TJP1: variants seen among roughly 807,000 people sequenced by gnomAD.
TJP1 encodes tight junction protein 1.
In TJP1, 43 loss-of-function variants were observed where a neutral mutation model predicts 194.2. The observed-to-expected ratio is 0.22, with a 90% CI of 0.17 to 0.29. The LOEUF is 0.29. Ranked by LOEUF, TJP1 falls within the 10% of genes least tolerant of loss-of-function variation. The pLI, the probability that TJP1 is intolerant of heterozygous loss-of-function variation, is 1.00. For missense variants in TJP1, 1,971 were observed against 2,185.7 expected (o/e 0.90, Z 1.96); for synonymous variants, 801 against 779.0 (o/e 1.03, Z -0.47).
rs1253170123 is a variant in TJP1, at chr15:29,747,795, CAT to C, written c.1011-5016_1011-5015del. ...AAACGATAGGTCGTCATTGGCTATA[CAT>C]GTAGGGCTCTTGCTCCATATATCAC... On this transcript the variant is annotated intron_variant, in intron 8 of 27. Transcript: ENST00000614355. 2.6e-5 allele frequency among the ~76,000 whole-genome samples: 4 copies of C among 152,196 alleles called. No homozygotes were observed. In the East Asian group the frequency reaches 7.7e-4, roughly 29 times the overall value.
intron 15 of TJP1, chr15:29,730,640 C>T: frequency 1.5e-6 from 1 of 664,722 alleles, no homozygotes; most frequent in East Asian, 3.1e-5. Context: ...GCGAGAACGA[C>T]CCCCGGACCG....
chr15:29,875,217 T>C (rs1015276162), intron 2 of TJP1, among the ~76,000 whole-genome samples: 4 of 152,224 alleles, frequency 2.6e-5, no homozygotes, highest in Non-Finnish European at 5.9e-5. Context: ...TCCTGTTAGG[T>C]GTGCAGCCCT....
intron 24 of TJP1, among the ~76,000 whole-genome samples, chr15:29,710,249 AAGAT>A (rs1394508630): frequency 1.3e-5 from 2 of 152,314 alleles, no homozygotes; most frequent in Admixed American, 6.5e-5. Flanking sequence ...ATCTTAATAA[AAGAT>A]AGCCTCAATC....
chr15:29,725,297 T>G (rs1429709695), intron 18 of TJP1, among the ~76,000 whole-genome samples: 1 of 152,096 alleles, frequency 6.6e-6, no homozygotes, highest in Non-Finnish European at 1.5e-5. Context: ...TTACTATAGG[T>G]GAGAACAATA....
chr15:29,854,912 T>C (rs2051788656), intron 2 of TJP1, among the ~76,000 whole-genome samples: 1 of 151,232 alleles, frequency 6.6e-6, no homozygotes, highest in South Asian at 2.1e-4. Flanking sequence ...AAAAAAAAGG[T>C]TAGAAACAAC....
At chr15:29,815,888 G>A (rs1025591549) in intron 1 of TJP1, among the ~76,000 whole-genome samples, 1 of 152,096 alleles carries the variant, frequency 6.6e-6, no homozygotes, top group Non-Finnish European at 1.5e-5. Context: ...GGATTGGAGG[G>A]GAAAAAGGGA....
At chr15:29,728,281 C>A (rs1021284738) in intron 15 of TJP1, 17 of 345,170 alleles carry the variant, frequency 4.9e-5, no homozygotes, top group Admixed American at 3.2e-4. Flanking sequence ...ACATTTTTTT[C>A]TTTTGCCTGG....
intron 10 of TJP1, 22 bp from the exon 11 acceptor site, chr15:29,737,436 T>C: frequency 1.2e-6 from 2 of 1,613,976 alleles, no homozygotes; most frequent in Non-Finnish European, 1.7e-6. Flanking sequence ...GATATTTCAT[T>C]TGAAACAGTT....
chr15:29,809,805 C>T (rs2151940620), intron 1 of TJP1, among the ~76,000 whole-genome samples: 1 of 151,836 alleles, frequency 6.6e-6, no homozygotes, highest in Non-Finnish European at 1.5e-5. Context: ...AAGGTCATGC[C>T]ATTGCACTCC....
Position 29,767,252 on chromosome 15 carries a change from C to T in TJP1, c.313-710G>A, listed in dbSNP as rs45620440. Among the ~76,000 whole-genome samples the T allele has an allele frequency of 1.4e-3, 215 of 152,328 alleles. 5 individuals carry two copies. The highest frequency in any genetic ancestry group is 0.013 in the Admixed American group (203 of 15,300). Reference sequence around the variant, plus strand: ...TGACGATCTACATGTATTACACCTGCTGACTGAATGGCCCTGTAATCTGTG... The same window carrying T: ...TGACGATCTACATGTATTACACCTGTTGACTGAATGGCCCTGTAATCTGTG... On this transcript the variant is annotated intron_variant, in intron 4 of 27. Coordinates refer to ENST00000614355, the MANE Select transcript of TJP1 (RefSeq NM_001330239.4).
intron 2 of TJP1, among the ~76,000 whole-genome samples, chr15:29,953,597 ATTTT>A (rs1458612823): frequency 6.6e-6 from 1 of 152,082 alleles, no homozygotes; most frequent in East Asian, 1.9e-4. Flanking sequence ...CTTCTTATTT[ATTTT>A]TTTTATTGCT....
At chr15:29,864,237 C>CAAAAAAAAAAAAAAAAAAAAAA (rs397975539) in intron 2 of TJP1, among the ~76,000 whole-genome samples, 8 of 18,944 alleles carry the variant, frequency 4.2e-4, no homozygotes, top group African/African-American at 7.5e-4. Flanking sequence ...ACTAAAAATA[C>CAAAAAAAAAAAAAAAAAAAAAA]AAAAAAAAAA....
Position 29,737,799 on chromosome 15 carries a change from T to A in TJP1, c.1257-385A>T, listed in dbSNP as rs561472003. On this transcript the variant is annotated intron_variant, in intron 10 of 27. Transcript: ENST00000614355. Reference sequence around the variant, plus strand: ...TTAATAACTGAAAAGTCAAATTTTTTAAAATAAAGGTAGAAATTGAAGTAT... The same window carrying A: ...TTAATAACTGAAAAGTCAAATTTTTAAAAATAAAGGTAGAAATTGAAGTAT... 1.5e-3 allele frequency among the ~76,000 whole-genome samples: 225 copies of A among 152,282 alleles called. No homozygotes were observed. In the South Asian group the frequency reaches 0.019, roughly 13 times the overall value.
At chr15:29,913,068 C>T (rs184945885) in intron 2 of TJP1, among the ~76,000 whole-genome samples, 7 of 151,826 alleles carry the variant, frequency 4.6e-5, no homozygotes, top group East Asian at 3.9e-4. Context: ...AAAAGAAGGG[C>T]AAGAAGGTAA....
At chr15:29,764,745 AT>A in intron 5 of TJP1, among the ~76,000 whole-genome samples, 1 of 152,288 alleles carries the variant, frequency 6.6e-6, no homozygotes, top group Non-Finnish European at 1.5e-5. Context: ...ACAAAGAAAA[AT>A]TTTAAGAGGG....
Position 29,710,923 on chromosome 15 carries a change from G to T in TJP1, c.4280C>A (p.Pro1427His), listed in dbSNP as rs1414433821. The T allele has an allele frequency of 3.1e-6, 5 of 1,614,160 alleles. 1 individual carries two copies. The East Asian group carries it at 1.1e-4, about 36-fold the overall frequency. Residue 1427 changes from proline (P) to histidine (H), a missense_variant, in exon 24 of 28, where the codon CCT becomes CAT. This residue lies in a region of TJP1 where 1,108 missense variants were observed against 1,128.5 expected (regional missense o/e 0.98). Transcript: ENST00000614355. The stretch of plus-strand genomic sequence containing the variant: ...ATACTGCGAGGGCAATGGAGGAGGA[G>T]GGGGAGTGGCCTGGATGGGTTCATA... ...KRYEPIQATP[P>H]PPPLPSQYAQ... is the part of the protein sequence containing the mutation.
chr15:29,819,821 ATATT>A (rs1190940554), intron 1 of TJP1, among the ~76,000 whole-genome samples: 4 of 152,284 alleles, frequency 2.6e-5, no homozygotes, highest in Middle Eastern at 3.4e-3. Context: ...AATATTTGTT[ATATT>A]TATTTCTAGG....
At chr15:29,763,833 C>G (rs770202822) in intron 5 of TJP1, among the ~76,000 whole-genome samples, 1 of 151,700 alleles carries the variant, frequency 6.6e-6, no homozygotes, top group Non-Finnish European at 1.5e-5. Flanking sequence ...AAAGAGTACT[C>G]ACAGCCAGAA....
intron 2 of TJP1, among the ~76,000 whole-genome samples, chr15:29,873,481 T>C (rs1276271420): frequency 6.6e-6 from 1 of 152,248 alleles, no homozygotes; most frequent in Non-Finnish European, 1.5e-5. Context: ...GCTACAACTC[T>C]GTGTGCAAGA....
Sources: gnomAD v4.1 joint callset for allele counts (sites outside exome capture counted in the v4.1 genomes callset) on GRCh38, gnomAD v4.1.1 for gene constraint, gnomAD v4.1.1 regional missense constraint, MANE v1.5 for transcripts, NCBI Gene and HGNC (gene_info 2026-07-23, HGNC 2026-07-21) for gene names.